Variants in SMURF2 observed in about 807,000 individuals in gnomAD.
SMURF2 encodes the protein E3 ubiquitin-protein ligase SMURF2.
In SMURF2, 48 loss-of-function variants were observed where a neutral mutation model predicts 109.6. The observed-to-expected ratio is 0.44, with a 90% CI of 0.35 to 0.56. The LOEUF (loss-of-function observed/expected upper bound fraction) is 0.56, where lower values mean the gene tolerates loss of function less well. Among genes scored for constraint, SMURF2 ranks in the 20% least tolerant of loss-of-function variants. The probability of loss-of-function intolerance (pLI) is 0.01; values close to 1 mark genes in which losing one functional copy is unlikely to be tolerated. For synonymous variants in SMURF2, 288 were observed against 317.1 expected, an observed-to-expected ratio of 0.91 and a Z score of 0.97; for missense variants, 575 against 909.0, an observed-to-expected ratio of 0.63 and a Z score of 4.72.
intron 2 of SMURF2, 31 bp downstream of exon 2, chr17:64,606,571 A>T: frequency 2.0e-6 from 3 of 1,469,046 alleles, no homozygotes; most frequent in Non-Finnish European, 1.9e-6. Flanking sequence ...ATCTACATAC[A>T]ATACACAAGA....
At chr17:64,657,652 C>G (rs1970722340) in intron 1 of SMURF2, among the ~76,000 whole-genome samples, 1 of 151,206 alleles carries the variant, frequency 6.6e-6, no homozygotes, top group Non-Finnish European at 1.5e-5. Flanking sequence ...TGCAGTAAGC[C>G]GGGATTGCTC....
chr17:64,595,036 T>G (rs1275100943), intron 3 of SMURF2, among the ~76,000 whole-genome samples: 2 of 152,112 alleles, frequency 1.3e-5, no homozygotes, highest in Non-Finnish European at 2.9e-5. Flanking sequence ...GTCCAACTAG[T>G]AAGCCTGGTT....
At position 64,562,641 on chromosome 17, in the gene SMURF2, G is replaced by C. The variant is rs949951093; in HGVS notation, c.1212+130C>G. Reference sequence around the variant, plus strand: ...GATCCGCCCACCTCAGCCTCCCAAAGTGCTGGGATTACAGGCGTGAGCCAC... The same window carrying C: ...GATCCGCCCACCTCAGCCTCCCAAACTGCTGGGATTACAGGCGTGAGCCAC... On this transcript the variant is annotated intron_variant, in intron 11 of 18. Coordinates refer to ENST00000262435, the MANE Select transcript of SMURF2 (RefSeq NM_022739.4). 289 of 816,094 alleles carry C rather than the reference G, an allele frequency of 3.5e-4. 1 individual carries two copies. Among genetic ancestry groups the C allele is most frequent in the Non-Finnish European group, 7.1e-5 (38 of 534,292 alleles). 50.6% of individuals were successfully genotyped at this position (816,094 alleles called of 1,614,324 possible).
intron 1 of SMURF2, among the ~76,000 whole-genome samples, chr17:64,660,406 G>A (rs1444074005): frequency 2.0e-5 from 3 of 152,090 alleles, no homozygotes; most frequent in East Asian, 1.9e-4. Flanking sequence ...GGGAGGGGGT[G>A]GAATACAAGT....
At chr17:64,586,198 A>G in intron 5 of SMURF2, 28 bp from the exon 6 acceptor site, 5 of 1,437,878 alleles carry the variant, frequency 3.5e-6, no homozygotes, top group African/African-American at 1.4e-5. Context: ...TATTACTAAG[A>G]TTCATACAAC....
intron 1 of SMURF2, among the ~76,000 whole-genome samples, chr17:64,608,606 GA>G (rs1970003627): frequency 6.6e-6 from 1 of 152,140 alleles, no homozygotes; most frequent in Admixed American, 6.6e-5. Flanking sequence ...AGGTAATGAT[GA>G]TTTTTTTAAA....
intron 10 of SMURF2, among the ~76,000 whole-genome samples, chr17:64,564,328 G>C (rs1307512563): frequency 6.6e-6 from 1 of 152,154 alleles, no homozygotes; most frequent in Non-Finnish European, 1.5e-5. Context: ...CTCATTATGT[G>C]AGTAAAAGAA....
intron 12 of SMURF2, among the ~76,000 whole-genome samples, chr17:64,560,559 C>A (rs1555684430): frequency 6.6e-6 from 1 of 152,088 alleles, no homozygotes; most frequent in Admixed American, 6.5e-5. Flanking sequence ...AGCAGAATTA[C>A]CACAATGATC....
intron 3 of SMURF2, chr17:64,593,948 C>T (rs574987414): frequency 6.4e-6 from 1 of 155,244 alleles, no homozygotes; most frequent in African/African-American, 2.4e-5. Context: ...ACCTACTTTT[C>T]AAGGGATAGT....
chr17:64,602,831 A>G (rs1409935704), intron 2 of SMURF2, among the ~76,000 whole-genome samples: 1 of 152,084 alleles, frequency 6.6e-6, no homozygotes, highest in Non-Finnish European at 1.5e-5. Context: ...AGGAGGCAGA[A>G]GCAGAATTGC....
At chr17:64,592,317 A>T (rs1196356012) in intron 4 of SMURF2, among the ~76,000 whole-genome samples, 2 of 152,226 alleles carry the variant, frequency 1.3e-5, no homozygotes, top group East Asian at 3.8e-4. Context: ...GAGTAATAAA[A>T]CAGTTTACTT....
chr17:64,575,244 C>T (rs1006318734), intron 9 of SMURF2, among the ~76,000 whole-genome samples: 1 of 151,830 alleles, frequency 6.6e-6, no homozygotes, highest in South Asian at 2.1e-4. Context: ...ACCTCCACCT[C>T]CCAGGTTCAA....
At chr17:64,600,490 T>C (rs1174962196) in intron 2 of SMURF2, among the ~76,000 whole-genome samples, 1 of 152,234 alleles carries the variant, frequency 6.6e-6, no homozygotes, top group Non-Finnish European at 1.5e-5. Flanking sequence ...CTAATTTTTT[T>C]AAGATACTAA....
At position 64,545,064 on chromosome 17, in the gene SMURF2, T is replaced by G. The variant is rs1809071845; in HGVS notation, c.*784A>C. The G allele has an allele frequency of 6.6e-6, 1 of 151,954 alleles. No homozygotes were observed. The highest frequency in any genetic ancestry group is 2.1e-4 in the South Asian group (1 of 4,828). The allele number at this position is 151,954 out of a possible 1,614,324, so 9.4% of individuals were successfully genotyped here. On this transcript the variant is annotated 3_prime_UTR_variant, in exon 19 of 19. Coordinates refer to ENST00000262435, the MANE Select transcript of SMURF2 (RefSeq NM_022739.4). ...TCATATTGACTCAAGATAAAAACAT[T>G]AGGTTTTTTTTTTTTTAAAAGAGTC...
At chr17:64,570,662 C>A (rs782360242) in intron 10 of SMURF2, among the ~76,000 whole-genome samples, 4 of 152,224 alleles carry the variant, frequency 2.6e-5, no homozygotes, top group Non-Finnish European at 5.9e-5. Flanking sequence ...CCAGACTTCA[C>A]CACTGGCAAC....
chr17:64,625,726 T>C (rs1328365831), intron 1 of SMURF2, among the ~76,000 whole-genome samples: 1 of 152,116 alleles, frequency 6.6e-6, no homozygotes, highest in African/African-American at 2.4e-5. Flanking sequence ...ATTCAGTAGG[T>C]CTATATGGGG....
At chr17:64,595,069 T>C (rs1276599430) in intron 3 of SMURF2, among the ~76,000 whole-genome samples, 1 of 152,162 alleles carries the variant, frequency 6.6e-6, no homozygotes, top group African/African-American at 2.4e-5. Context: ...GAAATACATA[T>C]ATTGATTACC....
intron 6 of SMURF2, among the ~76,000 whole-genome samples, chr17:64,584,245 G>A (rs1218258709): frequency 6.7e-6 from 1 of 149,016 alleles, no homozygotes; most frequent in Non-Finnish European, 1.5e-5. Flanking sequence ...TTGAACCGGG[G>A]AGGCGGAGGT....
chr17:64,580,997 G>C lies in SMURF2; in HGVS notation c.570-6C>G, dbSNP rs1555686535. ...TAGAATATTCGGATGCCGGTCTATT[G>C]AAAATTAACAAGGAAAAGATGTTAT... On this transcript the variant is annotated splice_region_variant and splice_polypyrimidine_tract_variant and intron_variant, in intron 7 of 18. Coordinates refer to ENST00000262435, the MANE Select transcript of SMURF2 (RefSeq NM_022739.4). The C allele has an allele frequency of 6.2e-7, 1 of 1,613,712 alleles. No homozygotes were observed. The highest frequency in any genetic ancestry group is 8.5e-7 in the Non-Finnish European group (1 of 1,179,746).
Sources: allele counts gnomAD v4.1 joint callset (sites outside exome capture counted in the v4.1 genomes callset), GRCh38; gene constraint gnomAD v4.1.1; transcripts MANE v1.5; gene names NCBI Gene and HGNC (gene_info 2026-07-23, HGNC 2026-07-21).